Variants in RPN2 observed in about 807,000 individuals in gnomAD.
RPN2 encodes the protein dolichyl-diphosphooligosaccharide--protein glycosyltransferase subunit 2.
RPN2 carries 29 observed loss-of-function variants against 71.4 expected under a neutral mutation model. The observed-to-expected ratio is 0.41, with a 90% CI of 0.30 to 0.55. The LOEUF (loss-of-function observed/expected upper bound fraction) is 0.55. RPN2 is among the 20% of genes least tolerant of loss of function. The pLI, the probability that RPN2 is intolerant of heterozygous loss-of-function variation, is 0.35. For synonymous variants in RPN2, 308 were observed against 305.0 expected, an observed-to-expected ratio of 1.01 and a Z score of -0.10; for missense variants, 726 against 774.1, an observed-to-expected ratio of 0.94 and a Z score of 0.74.
chr20:37,219,885 T>C (rs1288931602), intron 9 of RPN2, among the ~76,000 whole-genome samples: 2 of 152,222 alleles, frequency 1.3e-5, no homozygotes, highest in Non-Finnish European at 2.9e-5. Context: ...AGGGTTGATT[T>C]CTGGACTCAT....
At chr20:37,211,120 C>T (rs959346671) in intron 8 of RPN2, among the ~76,000 whole-genome samples, 5 of 151,124 alleles carry the variant, frequency 3.3e-5, no homozygotes, top group African/African-American at 1.2e-4. Flanking sequence ...CTGCAACCTC[C>T]ACCTCCCGGC....
chr20:37,196,890 A>G (rs1180091782), intron 2 of RPN2, among the ~76,000 whole-genome samples: 2 of 152,160 alleles, frequency 1.3e-5, no homozygotes, highest in African/African-American at 2.4e-5. Flanking sequence ...ATCTTGGGCC[A>G]CTAGTCACTG....
chr20:37,226,520 G>GTGTA (rs1269989483), intron 11 of RPN2, among the ~76,000 whole-genome samples: 4 of 152,042 alleles, frequency 2.6e-5, no homozygotes, highest in East Asian at 1.9e-4. Context: ...CCTCATTTGT[G>GTGTA]TGTATGTATG....
rs1370352240 is a variant in RPN2, at chr20:37,207,426, A to C, written c.844A>C (p.Thr282Pro). The C allele has an allele frequency of 6.2e-7, 1 of 1,614,086 alleles. No individual in the cohort carries two copies. The highest frequency in any genetic ancestry group is 2.2e-5 in the East Asian group (1 of 44,870). ...TGTGCCTGAGGGCTCTGCTTCCGAC[A>C]CTCATGAACAGGCTATCTTGCGGGT... The part of the protein sequence containing the change: ...VVVPEGSASD[T>P]HEQAILRLQV... The change falls in exon 7 of 17, where the codon ACT (threonine) becomes CCT (proline). Residue 282 changes from threonine to proline, a missense_variant. Coordinates refer to ENST00000237530, the MANE Select transcript of RPN2 (RefSeq NM_002951.5).
intron 11 of RPN2, among the ~76,000 whole-genome samples, chr20:37,226,315 G>T (rs1320330821): frequency 6.6e-6 from 1 of 152,044 alleles, no homozygotes. Flanking sequence ...CAGGTGATCC[G>T]CCTGCCTCAG....
At chr20:37,219,230 G>A (rs2067894869) in intron 9 of RPN2, among the ~76,000 whole-genome samples, 1 of 152,098 alleles carries the variant, frequency 6.6e-6, no homozygotes, top group Non-Finnish European at 1.5e-5. Flanking sequence ...GTATAAAGTG[G>A]TGTCTCATTA....
At chr20:37,224,523 G>T (rs2068033002) in intron 10 of RPN2, among the ~76,000 whole-genome samples, 2 of 152,168 alleles carry the variant, frequency 1.3e-5, no homozygotes, top group Admixed American at 1.3e-4. Context: ...GTCCATGGAG[G>T]CAGTACTAAG....
chr20:37,198,459 T>C lies in RPN2; in HGVS notation c.270T>C (p.Ala90=), dbSNP rs1411451565. ...GCAATGTGGATTCCCTCTTCTACGC[T>C]GCCCAGGCCAGCCAGGCCCTCTCAG... ...DPSNVDSLFY[A]AQASQALSGC... Residue 90 remains alanine, a synonymous_variant, in exon 3 of 17, where the codon GCT becomes GCC. Transcript: ENST00000237530. The C allele has an allele frequency of 6.2e-7, 1 of 1,614,246 alleles. No individual in the cohort carries two copies. Among genetic ancestry groups the C allele is most frequent in the South Asian group, 1.1e-5 (1 of 91,086 alleles).
intron 9 of RPN2, among the ~76,000 whole-genome samples, chr20:37,221,848 C>T (rs897567959): frequency 6.6e-6 from 1 of 152,246 alleles, no homozygotes; most frequent in Non-Finnish European, 1.5e-5. Context: ...TTGGGGCCAC[C>T]CATGGGCAGA....
intron 7 of RPN2, among the ~76,000 whole-genome samples, chr20:37,208,814 A>T (rs12479937): frequency 0.77 from 117,133 of 151,766 alleles, 45,654 homozygotes; most frequent in Middle Eastern, 0.89. Context: ...GCATTTTATT[A>T]ATGTCTAAGT....
At position 37,200,560 on chromosome 20, in the gene RPN2, T is replaced by G. The variant is rs961066460; in HGVS notation, c.479+1335T>G. 2.1e-5 allele frequency: 11 copies of G among 513,264 alleles called. No individual in the cohort carries two copies. In the African/African-American group the frequency reaches 2.2e-4, roughly 10 times the overall value. 31.8% of individuals were successfully genotyped at this position (513,264 alleles called of 1,614,324 possible). Reference sequence around the variant, plus strand: ...TTTCCCAGGTTTTTTTGTTTGTTTTTTGTTTTTTTGCTGACAACCAGATTT... The same window carrying G: ...TTTCCCAGGTTTTTTTGTTTGTTTTGTGTTTTTTTGCTGACAACCAGATTT... On this transcript the variant is annotated intron_variant, in intron 4 of 16. Coordinates refer to ENST00000237530, the MANE Select transcript of RPN2 (RefSeq NM_002951.5).
chr20:37,234,480 G>A lies in RPN2; in HGVS notation c.1753+385G>A, dbSNP rs577162200. Among the ~76,000 whole-genome samples, 52 of 152,220 alleles carry A rather than the reference G, an allele frequency of 3.4e-4. 1 individual carries two copies. Among genetic ancestry groups the A allele is most frequent in the Middle Eastern group, 3.4e-3 (1 of 294 alleles). On this transcript the variant is annotated intron_variant, in intron 15 of 16. Coordinates refer to ENST00000237530, the MANE Select transcript of RPN2 (RefSeq NM_002951.5). ...GCTATCGATCTTCACATTTGCTGCC[G>A]GCTCTGTCTGTGTAGTAATAGAAAA... is the stretch of plus-strand genomic sequence containing the variant.
chr20:37,200,034 A>C (rs2067346341), intron 4 of RPN2, among the ~76,000 whole-genome samples: 1 of 150,266 alleles, frequency 6.7e-6, no homozygotes, highest in African/African-American at 2.5e-5. Flanking sequence ...TTACTCTGTT[A>C]CCCAGGCTAG....
Position 37,184,274 on chromosome 20 carries a change from A to G in RPN2, c.108A>G (p.Arg36=), listed in dbSNP as rs138146846. The G allele has an allele frequency of 3.7e-5, 59 of 1,614,174 alleles. No homozygotes were observed. The African/African-American group carries it at 5.7e-4, about 16-fold the overall frequency. The change falls in exon 2 of 17, where the codon AGA becomes AGG. Residue 36 remains arginine (R), a synonymous_variant. Transcript: ENST00000237530. The part of the protein sequence containing the change: ...THYLTKHDVE[R]LKASLDRPFT... Reference sequence around the variant, plus strand: ...ACCTCACCAAGCATGACGTGGAGAGACTAAAAGCCTCGCTGGATCGCCCTT... The same window carrying G: ...ACCTCACCAAGCATGACGTGGAGAGGCTAAAAGCCTCGCTGGATCGCCCTT...
At chr20:37,212,407 T>TA (rs2067695347) in intron 8 of RPN2, among the ~76,000 whole-genome samples, 1 of 152,076 alleles carries the variant, frequency 6.6e-6, no homozygotes, top group African/African-American at 2.4e-5. Flanking sequence ...GGCAACATAG[T>TA]AAGACCTGTT....
At chr20:37,217,378 C>T (rs376524703) in intron 9 of RPN2, among the ~76,000 whole-genome samples, 13 of 151,794 alleles carry the variant, frequency 8.6e-5, no homozygotes, top group Admixed American at 2.0e-4. Flanking sequence ...CTGGAACCTC[C>T]GCCTCCTGGG....
chr20:37,199,067 G>A lies in RPN2; in HGVS notation c.321G>A (p.Glu107=), dbSNP rs2067319229. ...TTTCTTAGATCTCTATTTCAAATGA[G>A]ACCAAAGATCTGCTTCTGGCAGCTG... ...LSGCEISISN[E]TKDLLLAAVS... is the part of the protein sequence containing the mutation. Residue 107 remains glutamate, a synonymous_variant, in exon 4 of 17, where the codon GAG becomes GAA. Transcript: ENST00000237530. The A allele has an allele frequency of 6.2e-6, 10 of 1,613,404 alleles. No individual in the cohort carries two copies. The highest frequency in any genetic ancestry group is 1.3e-5 in the African/African-American group (1 of 74,906).
rs552110134 is a variant in RPN2 at position 37,200,424 on chromosome 20, C to T, written c.479+1199C>T. 9.5e-6 allele frequency: 5 copies of T among 523,618 alleles called. 1 individual carries two copies. The African/African-American group carries it at 9.7e-5, about 10-fold the overall frequency. The allele number at this position is 523,618 out of a possible 1,614,324, so 32.4% of individuals were successfully genotyped here. A position where few individuals can be genotyped will look rare whatever the true frequency, so the allele number is the denominator to read the frequency against. Reference sequence around the variant, plus strand: ...TTTTTTGTCATTTTATTTGTGTTCACCGTTTCACTGCAAACCCTGAAGGAG... The same window carrying T: ...TTTTTTGTCATTTTATTTGTGTTCATCGTTTCACTGCAAACCCTGAAGGAG... On this transcript the variant is annotated intron_variant, in intron 4 of 16. Transcript: ENST00000237530.
At chr20:37,209,853 G>T (rs2067613114) in intron 7 of RPN2, among the ~76,000 whole-genome samples, 194 bp from the exon 8 acceptor site, 1 of 151,994 alleles carries the variant, frequency 6.6e-6, no homozygotes, top group Non-Finnish European at 1.5e-5. Context: ...CAATATATTG[G>T]CCAGGTGTGG....
Sources: allele counts gnomAD v4.1 joint callset (sites outside exome capture counted in the v4.1 genomes callset), GRCh38; gene constraint gnomAD v4.1.1; transcripts MANE v1.5; gene names NCBI Gene and HGNC (gene_info 2026-07-23, HGNC 2026-07-21).